Variants in SSBP3 observed in about 807,000 individuals in gnomAD.
SSBP3 encodes single stranded DNA binding protein 3, also known as single-stranded DNA-binding protein 3.
A neutral mutation model predicts 69.6 loss-of-function variants in SSBP3; 5 were observed. The ratio of observed to expected loss-of-function variants is 0.07; its 90% CI spans 0.04 to 0.15. The LOEUF is 0.15. Among genes scored for constraint, SSBP3 ranks in the 10% least tolerant of loss-of-function variants. The pLI, the probability that SSBP3 is intolerant of heterozygous loss-of-function variation, is 1.00. For synonymous variants in SSBP3, 196 were observed against 193.4 expected (o/e 1.01, Z -0.11); for missense variants, 312 against 534.0 (o/e 0.58, Z 4.10).
intron 4 of SSBP3, among the ~76,000 whole-genome samples, chr1:54,355,782 C>T (rs1483225507): frequency 6.6e-6 from 1 of 152,190 alleles, no homozygotes; most frequent in East Asian, 1.9e-4. Flanking sequence ...AAGAAGGCGG[C>T]TATTGTATGC....
At chr1:54,407,597 CTG>C (rs1341772427), upstream of SSBP3, among the ~76,000 whole-genome samples, 1 of 152,056 alleles carries the variant, frequency 6.6e-6, no homozygotes, top group Non-Finnish European at 1.5e-5. Flanking sequence ...CATTTTCAGA[CTG>C]TTTTTAGAGA....
chr1:54,332,165 T>C (rs1397481313), intron 4 of SSBP3, among the ~76,000 whole-genome samples: 1 of 152,196 alleles, frequency 6.6e-6, no homozygotes, highest in Non-Finnish European at 1.5e-5. Context: ...TTCCCCTCAG[T>C]TCCAGCTGTT....
At chr1:54,392,585 C>G (rs1648575077) in intron 4 of SSBP3, among the ~76,000 whole-genome samples, 1 of 152,224 alleles carries the variant, frequency 6.6e-6, no homozygotes, top group Non-Finnish European at 1.5e-5. Flanking sequence ...TGGGTCACAG[C>G]TCACAGTTTA....
At chr1:54,311,584 G>A (rs1646002656) in intron 4 of SSBP3, among the ~76,000 whole-genome samples, 1 of 152,158 alleles carries the variant, frequency 6.6e-6, no homozygotes, top group Non-Finnish European at 1.5e-5. Context: ...TTGAGAGCAT[G>A]TGAGCCAGCC....
At chr1:54,411,194 T>C (rs1423007996), upstream of SSBP3, among the ~76,000 whole-genome samples, 1 of 152,174 alleles carries the variant, frequency 6.6e-6, no homozygotes, top group Admixed American at 6.5e-5. Context: ...AATTTAAGCA[T>C]TTGAGCTAGG....
intron 4 of SSBP3, among the ~76,000 whole-genome samples, chr1:54,373,801 G>A (rs542717301): frequency 2.7e-5 from 4 of 147,560 alleles, no homozygotes; most frequent in African/African-American, 7.3e-5. Context: ...AATGCCTCTC[G>A]GCACACCAGC....
intron 4 of SSBP3, among the ~76,000 whole-genome samples, chr1:54,308,417 T>C (rs1385166534): frequency 3.3e-5 from 5 of 151,696 alleles, no homozygotes; most frequent in Non-Finnish European, 7.4e-5. Flanking sequence ...CTGGCTAACA[T>C]GGTGAAACCC....
intron 4 of SSBP3, among the ~76,000 whole-genome samples, chr1:54,364,600 T>C (rs1372510558): frequency 6.6e-6 from 1 of 152,198 alleles, no homozygotes; most frequent in Non-Finnish European, 1.5e-5. Context: ...TGGCTCAAGC[T>C]TAACATGAGA....
chr1:54,232,270 C>T (rs955928893), intron 14 of SSBP3, among the ~76,000 whole-genome samples: 36 of 151,988 alleles, frequency 2.4e-4, no homozygotes, highest in African/African-American at 6.3e-4. Flanking sequence ...ACTTTTTGCT[C>T]GAATACTTAA....
chr1:54,308,773 AAAAG>A (rs1316837659), intron 4 of SSBP3, among the ~76,000 whole-genome samples: 2 of 151,960 alleles, frequency 1.3e-5, no homozygotes, highest in African/African-American at 4.8e-5. Context: ...GTCTCAAAAA[AAAAG>A]AAGAAGAAGA....
At chr1:54,328,041 T>A (rs12563483) in intron 4 of SSBP3, among the ~76,000 whole-genome samples, 1 of 152,056 alleles carries the variant, frequency 6.6e-6, no homozygotes, top group Non-Finnish European at 1.5e-5. Context: ...AAATGGTTGA[T>A]AGGGAAGAGG....
At position 54,253,116 on chromosome 1, in the gene SSBP3, T is replaced by C. The variant is rs768713206; in HGVS notation, c.508-1256A>G. 2.0e-5 allele frequency among the ~76,000 whole-genome samples: 3 copies of C among 151,882 alleles called. No individual in the cohort carries two copies. The South Asian group carries it at 6.3e-4, about 32-fold the overall frequency. On this transcript the variant is annotated intron_variant, in intron 7 of 17. Transcript: ENST00000610401. ...TATGTGTGGTTAAGGTACGAGAGGA[T>C]TGTGTGAGGGCATAGGGAGTATCTG...
intron 13 of SSBP3, 58 bp downstream of exon 13, chr1:54,240,847 G>A: frequency 1.2e-6 from 2 of 1,608,482 alleles, no homozygotes; most frequent in East Asian, 2.2e-5. Context: ...AGGTCTCTCT[G>A]GCAACATGCC....
intron 4 of SSBP3, among the ~76,000 whole-genome samples, chr1:54,358,073 A>T (rs948457769): frequency 1.3e-5 from 2 of 152,226 alleles, no homozygotes; most frequent in Non-Finnish European, 2.9e-5. Flanking sequence ...ACAGGACAGG[A>T]GCTCTAAGAA....
At chr1:54,375,470 C>T (rs1647204948) in intron 4 of SSBP3, among the ~76,000 whole-genome samples, 1 of 152,180 alleles carries the variant, frequency 6.6e-6, no homozygotes, top group African/African-American at 2.4e-5. Context: ...GCACCTCCAC[C>T]TCATCCACAT....
intron 14 of SSBP3, among the ~76,000 whole-genome samples, chr1:54,231,865 T>G (rs1455472101): frequency 6.6e-6 from 1 of 152,076 alleles, no homozygotes; most frequent in African/African-American, 2.4e-5. Flanking sequence ...TGGCTAATTT[T>G]GTATTTTTAG....
At chr1:54,238,964 G>T in intron 14 of SSBP3, 165 bp downstream of exon 14, 32 of 379,320 alleles carry the variant, frequency 8.4e-5, no homozygotes, top group Middle Eastern at 9.6e-4. Flanking sequence ...CCCATGAAAT[G>T]GGAACTGAGT....
chr1:54,402,251 CAG>C (rs1208866679), intron 3 of SSBP3, among the ~76,000 whole-genome samples: 2 of 152,304 alleles, frequency 1.3e-5, no homozygotes, highest in Non-Finnish European at 2.9e-5. Context: ...CCACTTTACA[CAG>C]GGGGCAACTG....
chr1:54,242,339 T>C, intron 10 of SSBP3, 127 bp from the exon 11 acceptor site: 2 of 1,066,978 alleles, frequency 1.9e-6, no homozygotes, highest in South Asian at 1.5e-5. Flanking sequence ...CCCTGCGGTT[T>C]AGAGCCTTCT....
Sources: gnomAD v4.1 joint callset for allele counts (sites outside exome capture counted in the v4.1 genomes callset) on GRCh38, gnomAD v4.1.1 for gene constraint, MANE v1.5 for transcripts, NCBI Gene and HGNC (gene_info 2026-07-23, HGNC 2026-07-21) for gene names.